The following ALPI variants were observed in gnomAD, a reference collection of about 807,000 sequenced individuals.
The protein encoded by ALPI is alkaline phosphatase, intestinal, also known as intestinal-type alkaline phosphatase.
A neutral mutation model predicts 51.5 loss-of-function variants in ALPI; 50 were observed. That is an observed-to-expected ratio of 0.97 (90% CI 0.77 to 1.23). The LOEUF is 1.23. Among genes scored for constraint, ALPI ranks in the 50% most tolerant of loss-of-function variants. The probability of loss-of-function intolerance (pLI) is 0.00; values close to 1 mark genes in which losing one functional copy is unlikely to be tolerated. For missense variants in ALPI, 692 were observed against 722.4 expected (o/e 0.96, Z 0.48); for synonymous variants, 322 against 308.2 (o/e 1.04, Z -0.47).
Position 232,457,923 on chromosome 2 carries a change from C to G in ALPI, c.856+56C>G, listed in dbSNP as rs181953197. The G allele has an allele frequency of 2.5e-6, 4 of 1,611,876 alleles. No individual in the cohort carries two copies. In the South Asian group the frequency reaches 3.3e-5, roughly 13 times the overall value. ...TCAGACAACCTCAGAGGGTGCCATC[C>G]GAGCCTGTGTGCCCATTTGCCAGCA... On this transcript the variant is annotated intron_variant, in intron 7 of 10. Coordinates refer to ENST00000295463, the MANE Select transcript of ALPI (RefSeq NM_001631.5). The surrounding 1 kb of genome is among the most constrained non-coding windows in gnomAD (Gnocchi z 4.7).
Position 232,457,621 on chromosome 2 carries a change from G to A in ALPI, c.705G>A (p.Glu235=), listed in dbSNP as rs1014011715. 3 of 1,614,062 alleles carry A rather than the reference G, an allele frequency of 1.9e-6. No homozygotes were observed. Among genetic ancestry groups the A allele is most frequent in the African/African-American group, 1.3e-5 (1 of 75,060 alleles). The change falls in exon 6 of 11, where the codon GAG becomes GAA. Residue 235 remains glutamate (E), a synonymous_variant. Transcript: ENST00000295463. This position sits in a 1 kb window ranked among gnomAD's most constrained non-coding sequence, Gnocchi z 4.7. ...TTCCCATGGGGACCCCAGACCCTGA[G>A]TACCCAGCTGATGCCAGCCAGAATG... ...YMFPMGTPDP[E]YPADASQNGI...
rs1363525396 is a variant in ALPI at position 232,456,155 on chromosome 2, G to A, written c.-45G>A. On this transcript the variant is annotated 5_prime_UTR_variant, in exon 1 of 11. Coordinates refer to ENST00000295463, the MANE Select transcript of ALPI (RefSeq NM_001631.5). The surrounding 1 kb of genome is among the most constrained non-coding windows in gnomAD (Gnocchi z 4.2). Reference sequence around the variant, plus strand: ...ACCCAGGCAGCCTGCGCTGCAGCCGGTTCCTGGTGTCCCCACTTCGCCTCC... The same window carrying A: ...ACCCAGGCAGCCTGCGCTGCAGCCGATTCCTGGTGTCCCCACTTCGCCTCC... 2 of 1,609,492 alleles carry A rather than the reference G, an allele frequency of 1.2e-6. No individual in the cohort carries two copies. Among genetic ancestry groups the A allele is most frequent in the South Asian group, 2.2e-5 (2 of 90,750 alleles).
Position 232,458,026 on chromosome 2 carries a change from T to C in ALPI, c.885T>C (p.Tyr295=), listed in dbSNP as rs759337116. The part of the protein sequence containing the change: ...MGLFEPGDTK[Y]EIHRDPTLDP... Reference sequence around the variant, plus strand: ...TCTTTGAGCCCGGAGACACGAAATATGAGATCCACCGAGACCCCACACTGG... The same window carrying C: ...TCTTTGAGCCCGGAGACACGAAATACGAGATCCACCGAGACCCCACACTGG... The change falls in exon 8 of 11, where the codon TAT becomes TAC. Residue 295 remains tyrosine (Y), a synonymous_variant. Transcript: ENST00000295463. The C allele has an allele frequency of 5.6e-6, 9 of 1,603,360 alleles. No homozygotes were observed. Among genetic ancestry groups the C allele is most frequent in the African/African-American group, 5.6e-5 (4 of 71,428 alleles).
In ALPI at chr2:232,459,476, A is replaced by C; in HGVS notation, c.*330A>C. 6.1e-6 allele frequency: 2 copies of C among 325,456 alleles called. No homozygotes were observed. The highest frequency in any genetic ancestry group is 4.5e-5 in the Admixed American group (1 of 22,080). 20.2% of individuals were successfully genotyped at this position (325,456 alleles called of 1,614,324 possible). A position where few individuals can be genotyped will look rare whatever the true frequency, so the allele number is the denominator to read the frequency against. On this transcript the variant is annotated 3_prime_UTR_variant, in exon 11 of 11. Coordinates refer to ENST00000295463, the MANE Select transcript of ALPI (RefSeq NM_001631.5). ...CCCAGACAATAAAGGGACCAAAACC[A>C]CCCAACCCCCACCCTGCCTCTATCC...
At chr2:232,458,445 A>G (rs1206368989) in intron 9 of ALPI, 37 bp downstream of exon 9, 2 of 1,591,466 alleles carry the variant, frequency 1.3e-6, no homozygotes, top group South Asian at 1.1e-5. Context: ...TGCTGCATCA[A>G]TTATGAGGGT....
chr2:232,457,512 G>A lies in ALPI; in HGVS notation c.649-53G>A. On this transcript the variant is annotated intron_variant, in intron 5 of 10. Transcript: ENST00000295463. The surrounding 1 kb of genome is among the most constrained non-coding windows in gnomAD (Gnocchi z 4.7). ...GAGCCAGGGGCTATGCATGAGGAGGGGGCACGGGGCCAGCCAGGCCCCCAA... is the reference window on the plus strand; with the variant it reads ...GAGCCAGGGGCTATGCATGAGGAGGAGGCACGGGGCCAGCCAGGCCCCCAA... The A allele has an allele frequency of 1.3e-6, 2 of 1,563,460 alleles. No homozygotes were observed. Among genetic ancestry groups the A allele is most frequent in the Non-Finnish European group, 1.7e-6 (2 of 1,155,298 alleles).
chr2:232,459,358 G>C lies in ALPI; in HGVS notation c.*212G>C, dbSNP rs972584127. ...GAGCCCAGGGCGCCCTGGGAGCTGA[G>C]CCTGGGACTTCCAGGACCTCCCCTC... On this transcript the variant is annotated 3_prime_UTR_variant, in exon 11 of 11. Transcript: ENST00000295463. 2 of 611,622 alleles carry C rather than the reference G, an allele frequency of 3.3e-6. No individual in the cohort carries two copies. The highest frequency in any genetic ancestry group is 5.6e-6 in the Non-Finnish European group (2 of 357,814). 37.9% of individuals were successfully genotyped at this position (611,622 alleles called of 1,614,324 possible). A position where few individuals can be genotyped will look rare whatever the true frequency, so the allele number is the denominator to read the frequency against.
Position 232,457,226 on chromosome 2 carries a change from C to A in ALPI, c.552C>A (p.Asn184Lys), listed in dbSNP as rs1363165096. Reference sequence around the variant, plus strand: ...CCGGCACCTACGCACACACAGTGAACCGCAACTGGTACTCAGATGCTGACA... The same window carrying A: ...CCGGCACCTACGCACACACAGTGAAACGCAACTGGTACTCAGATGCTGACA... ...SPAGTYAHTV[N>K]RNWYSDADMP... Residue 184 changes from asparagine to lysine, a missense_variant, in exon 5 of 11, where the codon AAC becomes AAA. Coordinates refer to ENST00000295463, the MANE Select transcript of ALPI (RefSeq NM_001631.5). The surrounding 1 kb of genome is among the most constrained non-coding windows in gnomAD (Gnocchi z 4.7). The A allele has an allele frequency of 6.2e-7, 1 of 1,613,538 alleles. No homozygotes were observed. The highest frequency in any genetic ancestry group is 8.5e-7 in the Non-Finnish European group (1 of 1,180,024).
At position 232,458,036 on chromosome 2, in the gene ALPI, C is replaced by G. The variant is rs147248868; in HGVS notation, c.895C>G (p.Arg299Gly). The change falls in exon 8 of 11, where the codon CGA becomes GGA. Residue 299 changes from arginine to glycine, a missense_variant. Arg to Gly is a moderately radical substitution (Grantham distance 125). Coordinates refer to ENST00000295463, the MANE Select transcript of ALPI (RefSeq NM_001631.5). ...EPGDTKYEIH[R>G]DPTLDPSLME... is the part of the protein sequence containing the mutation. ...CGGAGACACGAAATATGAGATCCAC[C>G]GAGACCCCACACTGGACCCCTCCCT... The G allele has an allele frequency of 1.2e-6, 2 of 1,613,826 alleles. No homozygotes were observed. Among genetic ancestry groups the G allele is most frequent in the East Asian group, 2.2e-5 (1 of 44,864 alleles).
rs1000844879 is a variant in ALPI, at chr2:232,457,372, C to T, written c.648+50C>T. ...GGGCTGGGCAGAGGGGAAGGTGGCA[C>T]AGGCTCAGATCCAGGCAACCAAAAG... is the stretch of plus-strand genomic sequence containing the variant. On this transcript the variant is annotated intron_variant, in intron 5 of 10. Coordinates refer to ENST00000295463, the MANE Select transcript of ALPI (RefSeq NM_001631.5). This position sits in a 1 kb window ranked among gnomAD's most constrained non-coding sequence, Gnocchi z 4.7. 1 of 1,569,814 alleles carries T rather than the reference C, an allele frequency of 6.4e-7. No homozygotes were observed. The highest frequency in any genetic ancestry group is 8.6e-7 in the Non-Finnish European group (1 of 1,157,956).
rs1167188177 is a variant in ALPI at position 232,460,440 on chromosome 2, T to TGGTGGC, written c.*1295_*1300dup. 6.0e-5 allele frequency among the ~76,000 whole-genome samples: 9 copies of TGGTGGC among 149,710 alleles called. No individual in the cohort carries two copies. The South Asian group carries it at 1.7e-3, about 29-fold the overall frequency. ...TGGTCTTTTGGGCAGAGGGTGGGGGTGGTGGCAGGCTCAGGTGAAAGCTGG... is the reference window on the plus strand; with the variant it reads ...TGGTCTTTTGGGCAGAGGGTGGGGGTGGTGGCGGTGGCAGGCTCAGGTGAAAGCTGG... On this transcript the variant is annotated 3_prime_UTR_variant, in exon 11 of 11. Coordinates refer to ENST00000295463, the MANE Select transcript of ALPI (RefSeq NM_001631.5).
chr2:232,456,792 A>G lies in ALPI; in HGVS notation c.300+97A>G. The G allele has an allele frequency of 5.8e-6, 9 of 1,551,184 alleles. No individual in the cohort carries two copies. The highest frequency in any genetic ancestry group is 7.0e-6 in the Non-Finnish European group (8 of 1,146,266). ...GAGGGAGCCAGGACAGCTGGGGCCT[A>G]AGTTAGGAGCTGGGAGCAGTTAGGA... On this transcript the variant is annotated intron_variant, in intron 3 of 10. Transcript: ENST00000295463. This position sits in a 1 kb window ranked among gnomAD's most constrained non-coding sequence, Gnocchi z 4.2.
rs1413611924 is a variant in ALPI, at chr2:232,457,198, C to T, written c.524C>T (p.Pro175Leu). 1.9e-6 allele frequency: 3 copies of T among 1,613,548 alleles called. No homozygotes were observed. Among genetic ancestry groups the T allele is most frequent in the Admixed American group, 3.3e-5 (2 of 60,032 alleles). The change falls in exon 5 of 11, where the codon CCA (proline) becomes CTA (leucine). Residue 175 changes from proline to leucine, a missense_variant. Physicochemically the swap from Pro to Leu is moderately conservative, Grantham distance 98. Transcript: ENST00000295463. The surrounding 1 kb of genome is among the most constrained non-coding windows in gnomAD (Gnocchi z 4.7). ...ACCACACGGGTGCAGCACGCCTCGC[C>T]AGCCGGCACCTACGCACACACAGTG... ...VTTTRVQHAS[P>L]AGTYAHTVNR...
At chr2:232,458,174 G>A (rs780035704) in intron 8 of ALPI, 42 bp downstream of exon 8, 2 of 1,613,614 alleles carry the variant, frequency 1.2e-6, no homozygotes, top group East Asian at 2.2e-5. Context: ...GCGGGGCGCG[G>A]CAGGGCAGGT....
chr2:232,457,756 C>T lies in ALPI; in HGVS notation c.784-39C>T. Reference sequence around the variant, plus strand: ...GCAGGGGGAGGCCAAGTGTGTGGGTCTCAGGGCTGTGGGCTGAAGCCTGGC... The same window carrying T: ...GCAGGGGGAGGCCAAGTGTGTGGGTTTCAGGGCTGTGGGCTGAAGCCTGGC... On this transcript the variant is annotated intron_variant, in intron 6 of 10. Coordinates refer to ENST00000295463, the MANE Select transcript of ALPI (RefSeq NM_001631.5). The surrounding 1 kb of genome is among the most constrained non-coding windows in gnomAD (Gnocchi z 4.7). The T allele has an allele frequency of 6.2e-7, 1 of 1,612,686 alleles. No individual in the cohort carries two copies. Among genetic ancestry groups the T allele is most frequent in the Non-Finnish European group, 8.5e-7 (1 of 1,179,248 alleles).
rs776916372 is a variant in ALPI, at chr2:232,456,300, G to T, written c.67+34G>T. The T allele has an allele frequency of 1.9e-6, 3 of 1,614,048 alleles. No individual in the cohort carries two copies. The highest frequency in any genetic ancestry group is 2.5e-6 in the Non-Finnish European group (3 of 1,179,984). On this transcript the variant is annotated intron_variant, in intron 1 of 10. Coordinates refer to ENST00000295463, the MANE Select transcript of ALPI (RefSeq NM_001631.5). The surrounding 1 kb of genome is among the most constrained non-coding windows in gnomAD (Gnocchi z 4.2). Reference sequence around the variant, plus strand: ...GCTCCCCAAGCTGTTCCACACACAGGGCACCCCCTCAGCCAGGCTGACCTG... The same window carrying T: ...GCTCCCCAAGCTGTTCCACACACAGTGCACCCCCTCAGCCAGGCTGACCTG...
chr2:232,458,534 G>A (rs527891831), intron 9 of ALPI, 98 bp from the exon 10 acceptor site: 401 of 1,527,572 alleles, frequency 2.6e-4, no homozygotes, highest in Non-Finnish European at 3.4e-4. Context: ...TGTGAGGACC[G>A]AGCCCCCGAA....
At position 232,460,616 on chromosome 2, in the gene ALPI, T is replaced by C. The variant is rs1173797188; in HGVS notation, c.*1470T>C. On this transcript the variant is annotated 3_prime_UTR_variant, in exon 11 of 11. Coordinates refer to ENST00000295463, the MANE Select transcript of ALPI (RefSeq NM_001631.5). ...AATCAACCACATTTTCCAGCAAATT[T>C]TGCAGTATTACAAATTTATTTGTAC... Among the ~76,000 whole-genome samples, 5 of 152,192 alleles carry C rather than the reference T, an allele frequency of 3.3e-5. No individual in the cohort carries two copies. Among genetic ancestry groups the C allele is most frequent in the Non-Finnish European group, 1.5e-5 (1 of 68,032 alleles).
In ALPI at chr2:232,459,339, A is replaced by G; in HGVS notation, c.*193A>G. On this transcript the variant is annotated 3_prime_UTR_variant, in exon 11 of 11. Coordinates refer to ENST00000295463, the MANE Select transcript of ALPI (RefSeq NM_001631.5). ...CATCCCCTTCAGGGAGCAGGAGCCC[A>G]GGGCGCCCTGGGAGCTGAGCCTGGG... The G allele has an allele frequency of 1.4e-6, 1 of 735,180 alleles. No individual in the cohort carries two copies. Among genetic ancestry groups the G allele is most frequent in the Non-Finnish European group, 2.1e-6 (1 of 468,436 alleles). The allele number at this position is 735,180 out of a possible 1,614,324, so 45.5% of individuals were successfully genotyped here. A position where few individuals can be genotyped will look rare whatever the true frequency, so the allele number is the denominator to read the frequency against.
Sources: allele counts gnomAD v4.1 joint callset (sites outside exome capture counted in the v4.1 genomes callset), GRCh38; gene constraint gnomAD v4.1.1; non-coding constraint Gnocchi (gnomAD v3.1); transcripts MANE v1.5; gene names NCBI Gene and HGNC (gene_info 2026-07-23, HGNC 2026-07-21).